Variants in MCM9 observed in about 807,000 individuals in gnomAD.
MCM9 encodes minichromosome maintenance 9 homologous recombination repair factor.
In MCM9, 55 loss-of-function variants were observed where a neutral mutation model predicts 72.8. The ratio of observed to expected loss-of-function variants is 0.76; its 90% CI spans 0.61 to 0.95. The LOEUF (loss-of-function observed/expected upper bound fraction) is 0.95, where lower values mean the gene tolerates loss of function less well. MCM9 is among the 40% of genes least tolerant of loss of function. MCM9 has a pLI of 0.00. For synonymous variants in MCM9, 480 were observed against 503.4 expected, an observed-to-expected ratio of 0.95 and a Z score of 0.62; for missense variants, 1,279 against 1,377.0, an observed-to-expected ratio of 0.93 and a Z score of 1.13.
chr6:118,877,605 C>A (rs780570174), intron 8 of MCM9, among the ~76,000 whole-genome samples: 2 of 152,134 alleles, frequency 1.3e-5, no homozygotes, highest in Non-Finnish European at 2.9e-5. Context: ...GGAATAATAA[C>A]GGATACAACT....
intron 8 of MCM9, among the ~76,000 whole-genome samples, chr6:118,881,901 G>A (rs1317261355): frequency 6.6e-6 from 1 of 152,140 alleles, no homozygotes. Flanking sequence ...TTAGCTGGAT[G>A]GAGGCTTCAC....
At chr6:118,848,720 T>G (rs985698396) in intron 9 of MCM9, among the ~76,000 whole-genome samples, 8 of 149,180 alleles carry the variant, frequency 5.4e-5, no homozygotes, top group Non-Finnish European at 8.8e-5. Context: ...GCTCAGGAGT[T>G]TGAGACCAGA....
Position 118,928,421 on chromosome 6 carries a change from A to G in MCM9, c.304+2999T>C, listed in dbSNP as rs565686902. Among the ~76,000 whole-genome samples, 9 of 152,302 alleles carry G rather than the reference A, an allele frequency of 5.9e-5. No homozygotes were observed. The East Asian group carries it at 1.7e-3, about 29-fold the overall frequency. ...GTGAGACTCCATCTCAAAAAAACAA[A>G]GAATACAGACTCAAGCTAGAATGCT... is the stretch of plus-strand genomic sequence containing the variant. On this transcript the variant is annotated intron_variant, in intron 3 of 13. Transcript: ENST00000619706.
intron 13 of MCM9, among the ~76,000 whole-genome samples, chr6:118,824,387 C>T (rs1057167055): frequency 2.0e-5 from 3 of 149,188 alleles, no homozygotes; most frequent in African/African-American, 7.6e-5. Flanking sequence ...TGGCTCACTG[C>T]AACCTCCACC....
In MCM9 at chr6:118,866,084, A is replaced by T. The variant is rs183728402; in HGVS notation, c.1151-9539T>A. ...TACATCTAAGATAATCTGGCTCCTA[A>T]CTTCCCTGTCTTGAGGTACTGGCAG... On this transcript the variant is annotated intron_variant, in intron 8 of 13. Transcript: ENST00000619706. Among the ~76,000 whole-genome samples, 11 of 152,316 alleles carry T rather than the reference A, an allele frequency of 7.2e-5. 1 individual carries two copies. In the East Asian group the frequency reaches 2.1e-3, roughly 29 times the overall value.
intron 8 of MCM9, among the ~76,000 whole-genome samples, chr6:118,869,004 G>C (rs1777403504): frequency 6.6e-6 from 1 of 152,050 alleles, no homozygotes; most frequent in Non-Finnish European, 1.5e-5. Flanking sequence ...GCAAAGACTT[G>C]GAACCAACCC....
At chr6:118,873,449 A>C (rs1777744543) in intron 8 of MCM9, among the ~76,000 whole-genome samples, 1 of 151,796 alleles carries the variant, frequency 6.6e-6, no homozygotes, top group African/African-American at 2.4e-5. Context: ...AAATGAAAGA[A>C]CCTCACTACA....
At chr6:118,868,741 G>A (rs1484886187) in intron 8 of MCM9, among the ~76,000 whole-genome samples, 1 of 152,168 alleles carries the variant, frequency 6.6e-6, no homozygotes, top group Non-Finnish European at 1.5e-5. Flanking sequence ...AGCTAGAATG[G>A]CAATCATTAA....
At chr6:118,882,724 G>A (rs1472633146) in intron 8 of MCM9, among the ~76,000 whole-genome samples, 4 of 151,698 alleles carry the variant, frequency 2.6e-5, no homozygotes, top group Non-Finnish European at 4.4e-5. Flanking sequence ...GTACACACAC[G>A]TAAAGGCTGT....
intron 8 of MCM9, among the ~76,000 whole-genome samples, chr6:118,862,570 C>G (rs571691472): frequency 6.6e-6 from 1 of 152,332 alleles, no homozygotes; most frequent in African/African-American, 2.4e-5. Context: ...AGATCCCTCA[C>G]ATGCACAGTT....
rs377576274 is a variant in MCM9 at position 118,903,133 on chromosome 6, A to G, written c.1150+8517T>C. 6.6e-5 allele frequency among the ~76,000 whole-genome samples: 10 copies of G among 152,372 alleles called. No homozygotes were observed. In the East Asian group the frequency reaches 9.6e-4, roughly 15 times the overall value. ...CAGATTTTAAAACAGAAACATGCCT[A>G]GAACCAATTTACTGAAGGGAACCAA... On this transcript the variant is annotated intron_variant, in intron 8 of 13. Transcript: ENST00000619706.
At chr6:118,891,696 T>C (rs1035739708) in intron 8 of MCM9, among the ~76,000 whole-genome samples, 1 of 152,212 alleles carries the variant, frequency 6.6e-6, no homozygotes, top group African/African-American at 2.4e-5. Flanking sequence ...TACTAGGGAT[T>C]AGTGCTTCAA....
At position 118,828,262 on chromosome 6, in the gene MCM9, C is replaced by CTTG. The variant is rs146822055; in HGVS notation, c.1529-135_1529-133dup. The CTTG allele has an allele frequency of 1.2e-3, 857 of 710,018 alleles. 11 individuals carry two copies. Among genetic ancestry groups the CTTG allele is most frequent in the South Asian group, 0.01 (516 of 51,440 alleles). The allele number at this position is 710,018 out of a possible 1,614,324, so 44.0% of individuals were successfully genotyped here. On this transcript the variant is annotated intron_variant, in intron 10 of 13. Coordinates refer to ENST00000619706, the MANE Select transcript of MCM9 (RefSeq NM_017696.3). ...TGTTTTGTGGTTATTGAAATCTAGA[C>CTTG]TTGTCTGCATAGCATACAATCAGCA...
At chr6:118,890,947 A>G (rs1216364933) in intron 8 of MCM9, among the ~76,000 whole-genome samples, 3 of 152,234 alleles carry the variant, frequency 2.0e-5, no homozygotes, top group Admixed American at 6.5e-5. Flanking sequence ...TAGTACTTCC[A>G]TTCCTATGAT....
At chr6:118,849,387 T>C (rs1298745971) in intron 9 of MCM9, among the ~76,000 whole-genome samples, 1 of 151,558 alleles carries the variant, frequency 6.6e-6, no homozygotes, top group Non-Finnish European at 1.5e-5. Flanking sequence ...AAAAGGTAAG[T>C]AAGGATATAG....
chr6:118,817,551 G>A (rs1773491408), intron 13 of MCM9, among the ~76,000 whole-genome samples: 1 of 152,150 alleles, frequency 6.6e-6, no homozygotes, highest in Non-Finnish European at 1.5e-5. Context: ...ATGGGCACTT[G>A]GGATGGTTCC....
intron 8 of MCM9, among the ~76,000 whole-genome samples, chr6:118,896,584 T>C (rs1400169400): frequency 3.3e-5 from 5 of 152,186 alleles, no homozygotes; most frequent in African/African-American, 4.8e-5. Context: ...GTCAAAAACA[T>C]ACTTATTTCC....
intron 9 of MCM9, among the ~76,000 whole-genome samples, chr6:118,847,440 A>AG (rs987979087): frequency 7.6e-6 from 1 of 131,254 alleles, no homozygotes; most frequent in Non-Finnish European, 1.6e-5. Context: ...AAAAAAAAAA[A>AG]GAAATTAACA....
At chr6:118,900,899 A>G in intron 8 of MCM9, 3 of 1,491,810 alleles carry the variant, frequency 2.0e-6, no homozygotes, top group Non-Finnish European at 2.8e-6. Flanking sequence ...TAATCTTGGT[A>G]AATGTGTATG....
Sources: allele counts gnomAD v4.1 joint callset (sites outside exome capture counted in the v4.1 genomes callset), GRCh38; gene constraint gnomAD v4.1.1; transcripts MANE v1.5; gene names NCBI Gene and HGNC (gene_info 2026-07-23, HGNC 2026-07-21).